The following MAP3K13 variants were observed in gnomAD, a reference collection of about 807,000 sequenced individuals.
The protein encoded by MAP3K13 is mitogen-activated protein kinase kinase kinase 13.
In MAP3K13, 52 loss-of-function variants were observed where a neutral mutation model predicts 104.0. The ratio of observed to expected loss-of-function variants is 0.50; its 90% CI spans 0.40 to 0.63. The LOEUF is 0.63. Among genes scored for constraint, MAP3K13 ranks in the 20% least tolerant of loss-of-function variants. The pLI is 0.00. For synonymous variants in MAP3K13, 394 were observed against 442.2 expected (o/e 0.89, Z 1.37); for missense variants, 914 against 1,218.5 (o/e 0.75, Z 3.72).
chr3:185,390,415 C>T (rs1439661103), intron 1 of MAP3K13, among the ~76,000 whole-genome samples: 5 of 152,100 alleles, frequency 3.3e-5, no homozygotes, highest in South Asian at 2.1e-4. Context: ...TGTGCCACTG[C>T]GCAGCCTCCC....
chr3:185,329,038 G>T, intron 2 of MAP3K13: 1 of 492,394 alleles, frequency 2.0e-6, no homozygotes, highest in Admixed American at 3.2e-5. Context: ...TTCCATCAAA[G>T]ATTAAATCAA....
intron 13 of MAP3K13, among the ~76,000 whole-genome samples, chr3:185,481,581 A>G (rs937984267): frequency 6.6e-5 from 10 of 152,100 alleles, no homozygotes; most frequent in African/African-American, 2.2e-4. Flanking sequence ...ATAGCACTTT[A>G]TTTCATATTC....
At chr3:185,348,902 C>T (rs1255694684) in intron 2 of MAP3K13, among the ~76,000 whole-genome samples, 4 of 151,630 alleles carry the variant, frequency 2.6e-5, no homozygotes, top group Admixed American at 1.3e-4. Flanking sequence ...GGCAACAGAG[C>T]GAGACTCTGT....
chr3:185,408,648 A>G (rs1713257545), intron 1 of MAP3K13, among the ~76,000 whole-genome samples: 1 of 152,206 alleles, frequency 6.6e-6, no homozygotes, highest in Non-Finnish European at 1.5e-5. Flanking sequence ...TATCCTGTAT[A>G]CAAGTGAGGC....
chr3:185,415,547 T>A (rs2108790115), intron 1 of MAP3K13, among the ~76,000 whole-genome samples: 1 of 149,786 alleles, frequency 6.7e-6, no homozygotes, highest in African/African-American at 2.4e-5. Context: ...TAATTTAACA[T>A]CACAGTATTA....
chr3:185,432,380 AG>A (rs1714796677), intron 2 of MAP3K13, among the ~76,000 whole-genome samples: 1 of 151,826 alleles, frequency 6.6e-6, no homozygotes, highest in Non-Finnish European at 1.5e-5. Context: ...TAGTAGAGAC[AG>A]GGTTTCACCA....
chr3:185,455,014 T>C lies in MAP3K13; in HGVS notation c.1278+3619T>C, dbSNP rs556783168. The stretch of plus-strand genomic sequence containing the variant: ...ATATATATGATATATATGAGATATA[T>C]ATGATATATATGAGATATATATGAT... On this transcript the variant is annotated intron_variant, in intron 7 of 13. Coordinates refer to ENST00000265026, the MANE Select transcript of MAP3K13 (RefSeq NM_004721.5). Among the ~76,000 whole-genome samples, 216 of 97,654 alleles carry C rather than the reference T, an allele frequency of 2.2e-3. 11 individuals carry two copies. Among genetic ancestry groups the C allele is most frequent in the Middle Eastern group, 0.016 (1 of 62 alleles). 64.1% of individuals were successfully genotyped at this position (97,654 alleles called of 152,430 possible).
In MAP3K13 at chr3:185,429,126, T is replaced by C. The variant is rs545328681; in HGVS notation, c.475+70T>C. ...ACCATCACCACCACCGTCACCACCA[T>C]TAGCTGGATAACCTATGACCTTTGG... is the stretch of plus-strand genomic sequence containing the variant. On this transcript the variant is annotated intron_variant, in intron 2 of 13. Coordinates refer to ENST00000265026, the MANE Select transcript of MAP3K13 (RefSeq NM_004721.5). 15 of 1,436,044 alleles carry C rather than the reference T, an allele frequency of 1.0e-5. No homozygotes were observed. In the South Asian group the frequency reaches 1.8e-4, roughly 17 times the overall value. The allele number at this position is 1,436,044 out of a possible 1,614,324, so 89.0% of individuals were successfully genotyped here.
At chr3:185,306,243 G>C (rs879706270) in intron 2 of MAP3K13, among the ~76,000 whole-genome samples, 2 of 152,152 alleles carry the variant, frequency 1.3e-5, no homozygotes, top group Non-Finnish European at 2.9e-5. Context: ...TGATGTACAT[G>C]AGTGCATGTG....
intron 5 of MAP3K13, 177 bp downstream of exon 5, chr3:185,448,124 G>T: frequency 1.3e-6 from 1 of 795,244 alleles, no homozygotes; most frequent in Non-Finnish European, 2.2e-6. Context: ...ATGGGGAGAA[G>T]GATTAGGGGG....
Position 185,449,954 on chromosome 3 carries a change from T to C in MAP3K13, c.1065T>C (p.Asp355=), listed in dbSNP as rs905104781. The stretch of plus-strand genomic sequence containing the variant: ...TGACAGGAGAGATCCCTTACAAAGA[T>C]GTAGATTCTTCAGCCATTATCTGGG... ...ELLTGEIPYK[D]VDSSAIIWGV... is the part of the protein sequence containing the mutation. The change falls in exon 6 of 14, where the codon GAT becomes GAC. Residue 355 remains aspartate (D), a synonymous_variant. Coordinates refer to ENST00000265026, the MANE Select transcript of MAP3K13 (RefSeq NM_004721.5). 6 of 1,613,754 alleles carry C rather than the reference T, an allele frequency of 3.7e-6. No homozygotes were observed. Among genetic ancestry groups the C allele is most frequent in the African/African-American group, 2.7e-5 (2 of 74,898 alleles).
intron 1 of MAP3K13, among the ~76,000 whole-genome samples, chr3:185,407,993 C>T (rs542993624): frequency 2.7e-5 from 4 of 150,722 alleles, no homozygotes; most frequent in African/African-American, 7.3e-5. Flanking sequence ...CCTCCCACCT[C>T]GGCCTCCCAA....
intron 1 of MAP3K13, among the ~76,000 whole-genome samples, chr3:185,364,108 CAT>C (rs1723764144): frequency 1.3e-5 from 2 of 152,188 alleles, no homozygotes; most frequent in Non-Finnish European, 2.9e-5. Context: ...TAGAAATGCA[CAT>C]GAGTGTTTTC....
rs35547697 is a variant in MAP3K13 at position 185,456,596 on chromosome 3, C to CTTT, written c.1278+5220_1278+5222dup. On this transcript the variant is annotated intron_variant, in intron 7 of 13. Transcript: ENST00000265026. ...GGTTGCAATCACAGCTTTGCTTCTC[C>CTTT]TTTTTTTTTTTTTTTTTTTTTGAGA... Among the ~76,000 whole-genome samples, 286 of 107,954 alleles carry CTTT rather than the reference C, an allele frequency of 2.6e-3. 6 individuals are homozygous for CTTT. Among genetic ancestry groups the CTTT allele is most frequent in the Non-Finnish European group, 3.6e-3 (204 of 57,132 alleles). The allele number at this position is 107,954 out of a possible 152,430, so 70.8% of individuals were successfully genotyped here.
intron 2 of MAP3K13, among the ~76,000 whole-genome samples, chr3:185,334,579 C>A (rs977453371): frequency 6.6e-6 from 1 of 150,472 alleles, no homozygotes; most frequent in African/African-American, 2.4e-5. Flanking sequence ...TTTTCTTTAA[C>A]ATGTTGCTGA....
At chr3:185,457,122 C>T (rs982362430) in intron 7 of MAP3K13, among the ~76,000 whole-genome samples, 2 of 60,968 alleles carry the variant, frequency 3.3e-5, no homozygotes, top group African/African-American at 7.1e-5. Context: ...CTGTGCAGGG[C>T]AGCTAAGTTG....
chr3:185,373,462 G>A (rs993876463), intron 1 of MAP3K13, among the ~76,000 whole-genome samples: 2 of 152,030 alleles, frequency 1.3e-5, no homozygotes, highest in Non-Finnish European at 2.9e-5. Flanking sequence ...GCCAACATGA[G>A]GAAACCCCGA....
intron 2 of MAP3K13, among the ~76,000 whole-genome samples, chr3:185,327,691 C>T (rs889153197): frequency 6.6e-6 from 1 of 152,178 alleles, no homozygotes; most frequent in Non-Finnish European, 1.5e-5. Context: ...GCGGGCAAAT[C>T]ACCTGAGGTC....
At chr3:185,347,006 T>TTTTTA (rs1722951017) in intron 2 of MAP3K13, among the ~76,000 whole-genome samples, 1 of 147,128 alleles carries the variant, frequency 6.8e-6, no homozygotes, top group Non-Finnish European at 1.5e-5. Flanking sequence ...TTTTTTTTTT[T>TTTTTA]AGACAGAGTC....
Sources: gnomAD v4.1 joint callset for allele counts (sites outside exome capture counted in the v4.1 genomes callset) on GRCh38, gnomAD v4.1.1 for gene constraint, MANE v1.5 for transcripts, NCBI Gene and HGNC (gene_info 2026-07-23, HGNC 2026-07-21) for gene names.